MON2: variants seen among roughly 807,000 people sequenced by gnomAD.
MON2 encodes MON2 regulator of endosome-to-Golgi trafficking.
A neutral mutation model predicts 208.6 loss-of-function variants in MON2; 84 were observed. The observed-to-expected ratio is 0.40, with a 90% CI of 0.34 to 0.48. MON2 has a LOEUF of 0.48. Ranked by LOEUF, MON2 falls within the 20% of genes least tolerant of loss-of-function variation. MON2 has a pLI of 0.59. For synonymous variants in MON2, 660 were observed against 694.0 expected, an observed-to-expected ratio of 0.95 and a Z score of 0.77; for missense variants, 1,611 against 2,015.4, an observed-to-expected ratio of 0.80 and a Z score of 3.84.
chr12:62,480,127 A>G (rs1235643957), intron 1 of MON2, among the ~76,000 whole-genome samples: 1 of 152,218 alleles, frequency 6.6e-6, no homozygotes, highest in Non-Finnish European at 1.5e-5. Flanking sequence ...GACAGTAGAA[A>G]CTTGTATGTT....
intron 8 of MON2, among the ~76,000 whole-genome samples, chr12:62,519,683 T>G (rs1221819860): frequency 1.3e-5 from 2 of 152,266 alleles, no homozygotes; most frequent in Non-Finnish European, 2.9e-5. Context: ...TGATTTTTTT[T>G]GGGTTGACAC....
chr12:62,538,461 T>C lies in MON2; in HGVS notation c.2320T>C (p.Ser774Pro). Residue 774 changes from serine (S) to proline (P), a missense_variant, in exon 19 of 35, where the codon TCC (serine) becomes CCC (proline). Physicochemically the swap from Ser to Pro is moderately conservative, Grantham distance 74. Coordinates refer to ENST00000393630, the MANE Select transcript of MON2 (RefSeq NM_015026.3). ...GCATCATTTAATAAATGCACTTTGC[T>C]CCTTGTCTCTAGAAGCAATGGATAT... ...SLHHLINALC[S>P]LSLEAMDMAY... 1 of 1,611,714 alleles carries C rather than the reference T, an allele frequency of 6.2e-7. No homozygotes were observed. Among genetic ancestry groups the C allele is most frequent in the Admixed American group, 1.7e-5 (1 of 59,994 alleles).
chr12:62,520,182 G>T (rs1453211914), intron 8 of MON2, among the ~76,000 whole-genome samples: 1 of 152,100 alleles, frequency 6.6e-6, no homozygotes, highest in Non-Finnish European at 1.5e-5. Context: ...CATTTCATTG[G>T]TCTTACATTT....
Position 62,594,862 on chromosome 12 carries a change from T to A in MON2, c.*2113T>A, listed in dbSNP as rs2075491371. 1 of 152,176 alleles carries A rather than the reference T, an allele frequency of 6.6e-6. No homozygotes were observed. The highest frequency in any genetic ancestry group is 1.5e-5 in the Non-Finnish European group (1 of 68,034). 9.4% of individuals were successfully genotyped at this position (152,176 alleles called of 1,614,324 possible). A position where few individuals can be genotyped will look rare whatever the true frequency, so the allele number is the denominator to read the frequency against. The stretch of plus-strand genomic sequence containing the variant: ...CAAGTGGGTGGCCCCCTTGGTAGTA[T>A]AATTGGACAGGATTTTCCTCCAGAA... On this transcript the variant is annotated 3_prime_UTR_variant, in exon 35 of 35. Transcript: ENST00000393630.
chr12:62,565,438 AG>A, intron 27 of MON2, 58 bp downstream of exon 27: 1 of 1,413,126 alleles, frequency 7.1e-7, no homozygotes, highest in Non-Finnish European at 9.7e-7. Flanking sequence ...AAATACAGAT[AG>A]TTCCACTTAA....
rs765035695 is a variant in MON2, at chr12:62,534,804, CTA to C, written c.1634-38_1634-37del. 2.1e-6 allele frequency: 3 copies of C among 1,423,182 alleles called. No homozygotes were observed. In the African/African-American group the frequency reaches 4.3e-5, roughly 20 times the overall value. 88.2% of individuals were successfully genotyped at this position (1,423,182 alleles called of 1,614,324 possible). A position where few individuals can be genotyped will look rare whatever the true frequency, so the allele number is the denominator to read the frequency against. ...CACATATTAATACATATTGTGCTAT[CTA>C]TAATTAAAATTAAATATTGTATGTT... On this transcript the variant is annotated intron_variant, in intron 12 of 34. Coordinates refer to ENST00000393630, the MANE Select transcript of MON2 (RefSeq NM_015026.3).
intron 8 of MON2, among the ~76,000 whole-genome samples, chr12:62,519,171 G>A (rs1041908679): frequency 3.9e-5 from 6 of 152,070 alleles, no homozygotes; most frequent in Admixed American, 2.0e-4. Context: ...AAAACACCCC[G>A]ACGGGTCACA....
At chr12:62,583,807 A>G (rs1396020599) in intron 32 of MON2, among the ~76,000 whole-genome samples, 3 of 151,092 alleles carry the variant, frequency 2.0e-5, no homozygotes, top group Non-Finnish European at 4.4e-5. Context: ...AAAAAATACA[A>G]AAATTAGCCA....
chr12:62,560,357 A>T, intron 25 of MON2, 134 bp from the exon 26 acceptor site: 1 of 856,956 alleles, frequency 1.2e-6, no homozygotes, highest in Non-Finnish European at 1.8e-6. Context: ...GTACCTTAGT[A>T]CCTAGTCATA....
At chr12:62,559,091 T>G (rs1464350226) in intron 25 of MON2, among the ~76,000 whole-genome samples, 1 of 152,132 alleles carries the variant, frequency 6.6e-6, no homozygotes, top group East Asian at 1.9e-4. Context: ...GTACCTATTG[T>G]TTTATACCAG....
chr12:62,522,659 T>G (rs1022261948), intron 8 of MON2, among the ~76,000 whole-genome samples: 1 of 152,188 alleles, frequency 6.6e-6, no homozygotes, highest in African/African-American at 2.4e-5. Context: ...ATACCATAAG[T>G]GCTAATCTTA....
chr12:62,495,190 G>T (rs1728974755), intron 4 of MON2, 43 bp downstream of exon 4: 5 of 1,524,354 alleles, frequency 3.3e-6, no homozygotes, highest in Non-Finnish European at 4.4e-6. Context: ...CTTTGAGACA[G>T]TATTTGAATA....
At chr12:62,505,971 C>A (rs2136102456) in intron 7 of MON2, among the ~76,000 whole-genome samples, 1 of 151,954 alleles carries the variant, frequency 6.6e-6, no homozygotes, top group South Asian at 2.1e-4. Context: ...TTGCTTTGGC[C>A]ACAGAGATCA....
chr12:62,532,603 T>C lies in MON2; in HGVS notation c.1566T>C (p.Ser522=). The stretch of plus-strand genomic sequence containing the variant: ...GTCAAACCACCACTGAAGAAGGTTC[T>C]TCACCAACACAGTCGACAGAACAGC... The part of the protein sequence containing the change: ...TECQTTTEEG[S]SPTQSTEQQD... The change falls in exon 12 of 35, where the codon TCT becomes TCC. Residue 522 remains serine (S), a synonymous_variant. Coordinates refer to ENST00000393630, the MANE Select transcript of MON2 (RefSeq NM_015026.3). 6.2e-7 allele frequency: 1 copy of C among 1,614,140 alleles called. No individual in the cohort carries two copies. The highest frequency in any genetic ancestry group is 8.5e-7 in the Non-Finnish European group (1 of 1,179,992).
At chr12:62,548,525 C>T (rs1249373075) in intron 22 of MON2, among the ~76,000 whole-genome samples, 1 of 152,054 alleles carries the variant, frequency 6.6e-6, no homozygotes, top group African/African-American at 2.4e-5. Flanking sequence ...AAGTTGTAGA[C>T]GACCAAGATG....
intron 23 of MON2, among the ~76,000 whole-genome samples, chr12:62,550,335 G>A (rs1391545584): frequency 1.3e-5 from 2 of 151,970 alleles, no homozygotes; most frequent in Non-Finnish European, 2.9e-5. Context: ...TTGAGACCAG[G>A]CTGGGCAATA....
intron 14 of MON2, among the ~76,000 whole-genome samples, chr12:62,536,940 C>T (rs988647023): frequency 2.0e-5 from 3 of 152,106 alleles, no homozygotes; most frequent in Non-Finnish European, 1.5e-5. Flanking sequence ...CTGCCTGCCT[C>T]AGCCTCCCAA....
At chr12:62,589,722 C>T (rs1248995989) in intron 34 of MON2, among the ~76,000 whole-genome samples, 2 of 125,272 alleles carry the variant, frequency 1.6e-5, no homozygotes, top group East Asian at 2.3e-4. Flanking sequence ...CCATCCTGGA[C>T]AGTGTAGTCA....
intron 8 of MON2, among the ~76,000 whole-genome samples, chr12:62,524,266 A>G (rs1419056742): frequency 1.3e-5 from 2 of 152,192 alleles, no homozygotes; most frequent in Non-Finnish European, 2.9e-5. Context: ...ATAAAGGATT[A>G]ACCGTATTAG....
Sources: allele counts gnomAD v4.1 joint callset (sites outside exome capture counted in the v4.1 genomes callset), GRCh38; gene constraint gnomAD v4.1.1; transcripts MANE v1.5; gene names NCBI Gene and HGNC (gene_info 2026-07-23, HGNC 2026-07-21).